Variants in WASF3 observed in about 807,000 individuals in gnomAD.
WASF3 encodes WASP family member 3.
In WASF3, 11 loss-of-function variants were observed where a neutral mutation model predicts 46.6. The observed-to-expected ratio is 0.24, with a 90% CI of 0.15 to 0.39. The LOEUF (loss-of-function observed/expected upper bound fraction) is 0.39. Among genes scored for constraint, WASF3 ranks in the 10% least tolerant of loss-of-function variants. The pLI, the probability that WASF3 is intolerant of heterozygous loss-of-function variation, is 1.00. For missense variants in WASF3, 576 were observed against 669.8 expected, an observed-to-expected ratio of 0.86 and a Z score of 1.55; for synonymous variants, 242 against 259.7, an observed-to-expected ratio of 0.93 and a Z score of 0.65.
chr13:26,579,855 A>C (rs1189353910), intron 1 of WASF3, among the ~76,000 whole-genome samples: 1 of 152,232 alleles, frequency 6.6e-6, no homozygotes, highest in Non-Finnish European at 1.5e-5. Context: ...ATCATGCTGA[A>C]GATGCTTTCT....
chr13:26,574,600 ATCTT>A (rs1187506698), intron 1 of WASF3, among the ~76,000 whole-genome samples: 1 of 152,136 alleles, frequency 6.6e-6, no homozygotes, highest in East Asian at 1.9e-4. Flanking sequence ...ATTTGAAAAT[ATCTT>A]TCTTTTAATA....
At chr13:26,636,874 T>TG (rs149856787) in intron 2 of WASF3, among the ~76,000 whole-genome samples, 5,415 of 152,202 alleles carry the variant, frequency 0.036, 335 homozygotes, top group African/African-American at 0.12. Context: ...TCCTCAGCAT[T>TG]GGGGGATGCA....
chr13:26,658,263 CTA>C (rs1310894752), intron 3 of WASF3, among the ~76,000 whole-genome samples: 4 of 152,074 alleles, frequency 2.6e-5, no homozygotes, highest in Admixed American at 2.6e-4. Context: ...TTATTTTAAA[CTA>C]TGAATGGTCA....
At chr13:26,563,538 C>T (rs1415652113) in intron 1 of WASF3, among the ~76,000 whole-genome samples, 1 of 151,004 alleles carries the variant, frequency 6.6e-6, no homozygotes, top group Non-Finnish European at 1.5e-5. Context: ...ACCTGTACTC[C>T]CAGCTTCTAG....
chr13:26,680,663 A>G (rs1883198835), intron 7 of WASF3, among the ~76,000 whole-genome samples: 2 of 152,178 alleles, frequency 1.3e-5, no homozygotes, highest in Non-Finnish European at 2.9e-5. Context: ...TTTTCTAATT[A>G]TATGCTGTCA....
chr13:26,552,576 A>G, the WASF3 span, among the ~76,000 whole-genome samples: 9 of 152,222 alleles, frequency 5.9e-5, no homozygotes, highest in Non-Finnish European at 1.2e-4. Flanking sequence ...ATGGAGCTAA[A>G]TTAATTCTTG....
intron 1 of WASF3, among the ~76,000 whole-genome samples, chr13:26,561,541 G>A (rs1378583576): frequency 6.6e-6 from 1 of 152,182 alleles, no homozygotes; most frequent in Non-Finnish European, 1.5e-5. Context: ...AGATAATCAG[G>A]AGTTGTCTGG....
upstream of WASF3, among the ~76,000 whole-genome samples, chr13:26,555,694 A>T (rs955752296): frequency 2.0e-5 from 3 of 152,222 alleles, no homozygotes; most frequent in Non-Finnish European, 2.9e-5. Flanking sequence ...GATAGCAGAG[A>T]CAATGGCTAG....
rs201580275 is a variant in WASF3, at chr13:26,682,647, G to C, written c.1024G>C (p.Gly342Arg). Residue 342 changes from glycine to arginine, a missense_variant, in exon 9 of 10, where the codon GGA becomes CGA. By Grantham distance (125) the Gly-to-Arg change is moderately radical. Transcript: ENST00000335327. This position sits in a 1 kb window ranked among gnomAD's most constrained non-coding sequence, Gnocchi z 4.4. The part of the protein sequence containing the change: ...AQIIEYYNPS[G>R]PPPPPPPPVI... ...GATAATTGAGTATTACAACCCATCC[G>C]GACCACCTCCTCCGCCACCTCCTCC... is the stretch of plus-strand genomic sequence containing the variant. The C allele has an allele frequency of 1.3e-5, 21 of 1,613,900 alleles. No individual in the cohort carries two copies. The highest frequency in any genetic ancestry group is 1.7e-5 in the Non-Finnish European group (20 of 1,180,006).
At chr13:26,666,589 C>T (rs894376668) in intron 4 of WASF3, among the ~76,000 whole-genome samples, 1 of 152,100 alleles carries the variant, frequency 6.6e-6, no homozygotes, top group African/African-American at 2.4e-5. Flanking sequence ...CTGTCCACCT[C>T]AAAAAGTTTG....
At chr13:26,677,590 G>A (rs564200406) in intron 7 of WASF3, among the ~76,000 whole-genome samples, 54 of 152,184 alleles carry the variant, frequency 3.5e-4, no homozygotes, top group African/African-American at 1.1e-3. Context: ...AACGTATTAC[G>A]TGCCTTCAAT....
intron 1 of WASF3, among the ~76,000 whole-genome samples, chr13:26,609,201 G>T (rs1880895893): frequency 6.6e-6 from 1 of 152,104 alleles, no homozygotes; most frequent in African/African-American, 2.4e-5. Context: ...TATTGATTTT[G>T]GATGTCGTGG....
At position 26,566,844 on chromosome 13, in the gene WASF3, A is replaced by G. The variant is rs1039549254; in HGVS notation, c.-109+9025A>G. 2.0e-5 allele frequency among the ~76,000 whole-genome samples: 3 copies of G among 152,218 alleles called. No individual in the cohort carries two copies. In the South Asian group the frequency reaches 6.2e-4, roughly 32 times the overall value. On this transcript the variant is annotated intron_variant, in intron 1 of 9. Coordinates refer to ENST00000335327, the MANE Select transcript of WASF3 (RefSeq NM_006646.6). The stretch of plus-strand genomic sequence containing the variant: ...GGTCATGGGGACTGGTAGCATAACT[A>G]GTCTCTACCCCAGTCTGACTGGAAC...
chr13:26,613,584 A>C (rs1881045097), intron 2 of WASF3, among the ~76,000 whole-genome samples: 1 of 152,186 alleles, frequency 6.6e-6, no homozygotes, highest in South Asian at 2.1e-4. Flanking sequence ...CCTGGCTAAC[A>C]CAGTGAAAGC....
At chr13:26,549,128 C>T in the WASF3 span, among the ~76,000 whole-genome samples, 2 of 151,790 alleles carry the variant, frequency 1.3e-5, no homozygotes, top group Non-Finnish European at 2.9e-5. Context: ...ATTACAGAGA[C>T]GCACCACCAC....
At chr13:26,542,556 C>G in the WASF3 span, among the ~76,000 whole-genome samples, 1 of 152,198 alleles carries the variant, frequency 6.6e-6, no homozygotes, top group Admixed American at 6.5e-5. Context: ...ACTTCCCTTT[C>G]AAATGTTTTT....
chr13:26,683,974 G>A (rs1883323919), intron 9 of WASF3, among the ~76,000 whole-genome samples: 3 of 152,158 alleles, frequency 2.0e-5, no homozygotes, highest in African/African-American at 7.2e-5. Flanking sequence ...GCACAGACTT[G>A]GTCACAGTTT....
chr13:26,567,481 T>C (rs1593369586), intron 1 of WASF3, among the ~76,000 whole-genome samples: 1 of 152,190 alleles, frequency 6.6e-6, no homozygotes, highest in East Asian at 1.9e-4. Flanking sequence ...AATACAGACG[T>C]GTTTGTTCTT....
intron 1 of WASF3, among the ~76,000 whole-genome samples, chr13:26,612,203 G>A: frequency 6.6e-6 from 1 of 152,194 alleles, no homozygotes; most frequent in East Asian, 1.9e-4. Flanking sequence ...TATGTGTTCA[G>A]TGTTTAAAGA....
Sources: allele counts gnomAD v4.1 joint callset (sites outside exome capture counted in the v4.1 genomes callset), GRCh38; gene constraint gnomAD v4.1.1; non-coding constraint Gnocchi (gnomAD v3.1); transcripts MANE v1.5; gene names NCBI Gene and HGNC (gene_info 2026-07-23, HGNC 2026-07-21).